The following ACOT12 variants were observed in gnomAD, a reference collection of about 807,000 sequenced individuals.
ACOT12 encodes the protein acyl-CoA thioesterase 12.
ACOT12 carries 51 observed loss-of-function variants against 67.7 expected under a neutral mutation model. The ratio of observed to expected loss-of-function variants is 0.75; its 90% CI spans 0.60 to 0.95. The LOEUF (loss-of-function observed/expected upper bound fraction) is 0.95. Ranked by LOEUF, ACOT12 falls within the 40% of genes least tolerant of loss-of-function variation. The pLI, the probability that ACOT12 is intolerant of heterozygous loss-of-function variation, is 0.00. For missense variants in ACOT12, 734 were observed against 708.1 expected, an observed-to-expected ratio of 1.04 and a Z score of -0.41; for synonymous variants, 251 against 244.6, an observed-to-expected ratio of 1.03 and a Z score of -0.24.
At position 81,345,347 on chromosome 5, in the gene ACOT12, G is replaced by A. The variant is rs115194074; in HGVS notation, c.774-306C>T. Among the ~76,000 whole-genome samples, 1,050 of 151,942 alleles carry A rather than the reference G, an allele frequency of 6.9e-3. 7 individuals are homozygous for A. Among genetic ancestry groups the A allele is most frequent in the African/African-American group, 0.024 (1,015 of 41,442 alleles). On this transcript the variant is annotated intron_variant, in intron 7 of 14. Coordinates refer to ENST00000307624, the MANE Select transcript of ACOT12 (RefSeq NM_130767.3). ...AACATATTTTGGCAATGTGGGGGAG[G>A]GCTTAAATTATGCCAAAGTTAAGTT...
At chr5:81,327,145 TTATATATATGTGATTA>T (rs1248845369), downstream of ACOT12, among the ~76,000 whole-genome samples, 1 of 147,858 alleles carries the variant, frequency 6.8e-6, no homozygotes, top group Non-Finnish European at 1.5e-5. Context: ...AACCATGTGA[TTATATATATGTGATTA>T]TATATATGTG....
the ACOT12 span, chr5:81,308,846 T>G: frequency 2.9e-6 from 4 of 1,375,670 alleles, no homozygotes; most frequent in South Asian, 6.1e-5. Context: ...AATTTTAAGT[T>G]ATGTAAATAT....
chr5:81,345,276 C>A (rs1168667444), intron 7 of ACOT12, among the ~76,000 whole-genome samples: 1 of 152,166 alleles, frequency 6.6e-6, no homozygotes, highest in Non-Finnish European at 1.5e-5. Context: ...TACTTCCCCA[C>A]TTTCAAGTGG....
chr5:81,334,279 G>A (rs1322505425), intron 12 of ACOT12, among the ~76,000 whole-genome samples: 2 of 152,130 alleles, frequency 1.3e-5, no homozygotes, highest in Non-Finnish European at 2.9e-5. Flanking sequence ...GGGTCTGATC[G>A]AGCTGATTAA....
At chr5:81,370,111 T>C (rs923923758) in intron 3 of ACOT12, among the ~76,000 whole-genome samples, 6 of 152,020 alleles carry the variant, frequency 3.9e-5, no homozygotes, top group Admixed American at 6.6e-5. Flanking sequence ...TGAAACCCCA[T>C]CTCTACTAAA....
In ACOT12 at chr5:81,361,544, C is replaced by G. The variant is rs761005396; in HGVS notation, c.361-1506G>C. 7.2e-5 allele frequency among the ~76,000 whole-genome samples: 11 copies of G among 152,232 alleles called. No homozygotes were observed. The East Asian group carries it at 9.7e-4, about 13-fold the overall frequency. On this transcript the variant is annotated intron_variant, in intron 4 of 14. Transcript: ENST00000307624. Reference sequence around the variant, plus strand: ...AGTGTTGTTTTAGTTGTGTGACTAGCAGGGTATACAAGACTGCTTGGTAAA... The same window carrying G: ...AGTGTTGTTTTAGTTGTGTGACTAGGAGGGTATACAAGACTGCTTGGTAAA...
At position 81,343,901 on chromosome 5, in the gene ACOT12, T is replaced by C. The variant is rs1759286399; in HGVS notation, c.981-20A>G. 1 of 1,606,530 alleles carries C rather than the reference T, an allele frequency of 6.2e-7. No homozygotes were observed. The highest frequency in any genetic ancestry group is 2.2e-5 in the East Asian group (1 of 44,822). ...TATTTTCTGGAAAAAAAAATTAAAG[T>C]GTTAAATGACAGTTTTTTTCTCTGC... On this transcript the variant is annotated intron_variant, in intron 9 of 14. Coordinates refer to ENST00000307624, the MANE Select transcript of ACOT12 (RefSeq NM_130767.3).
chr5:81,355,535 A>G (rs1759685342), intron 5 of ACOT12, among the ~76,000 whole-genome samples: 1 of 152,254 alleles, frequency 6.6e-6, no homozygotes, highest in African/African-American at 2.4e-5. Flanking sequence ...ACAAAGATAG[A>G]GAGCAGAAGG....
intron 5 of ACOT12, among the ~76,000 whole-genome samples, chr5:81,352,022 C>G (rs150907642): frequency 1.3e-5 from 2 of 152,150 alleles, no homozygotes; most frequent in Non-Finnish European, 2.9e-5. Context: ...CATCACTGAT[C>G]ATCAGAGAAA....
intron 6 of ACOT12, among the ~76,000 whole-genome samples, chr5:81,347,115 G>T (rs1459778036): frequency 2.0e-5 from 3 of 152,058 alleles, no homozygotes; most frequent in Non-Finnish European, 4.4e-5. Flanking sequence ...CTTTAAAAAG[G>T]TTTGTAACTA....
At chr5:81,389,306 C>T (rs1033631789) in intron 1 of ACOT12, among the ~76,000 whole-genome samples, 1 of 152,122 alleles carries the variant, frequency 6.6e-6, no homozygotes, top group African/African-American at 2.4e-5. Flanking sequence ...ACAGGCTATG[C>T]ACAGGGCCTT....
At chr5:81,332,673 G>A in intron 12 of ACOT12, 68 bp from the exon 13 acceptor site, 1 of 1,579,574 alleles carries the variant, frequency 6.3e-7, no homozygotes, top group East Asian at 2.3e-5. Flanking sequence ...TCCCTTATTT[G>A]CTTACATAAT....
At chr5:81,364,678 C>T (rs906581414) in intron 3 of ACOT12, among the ~76,000 whole-genome samples, 5 of 152,144 alleles carry the variant, frequency 3.3e-5, no homozygotes, top group Non-Finnish European at 7.4e-5. Context: ...CCACCCACTT[C>T]GGCCTCCCAA....
chr5:81,388,941 C>CT (rs1760798739), intron 1 of ACOT12, among the ~76,000 whole-genome samples: 1 of 152,220 alleles, frequency 6.6e-6, no homozygotes, highest in South Asian at 2.1e-4. Context: ...TAAGAAGTGC[C>CT]TTCCACCTTC....
intron 12 of ACOT12, among the ~76,000 whole-genome samples, chr5:81,335,127 G>A (rs1758955746): frequency 6.6e-6 from 1 of 152,204 alleles, no homozygotes; most frequent in Non-Finnish European, 1.5e-5. Context: ...GTAGAAGAGT[G>A]TAGAATTCAG....
the ACOT12 span, chr5:81,308,837 A>AT: frequency 7.2e-7 from 1 of 1,388,926 alleles, no homozygotes; most frequent in Non-Finnish European, 9.6e-7. Context: ...ATGAGATTAA[A>AT]TTTTAAGTTA....
At chr5:81,355,184 A>G (rs1369610705) in intron 5 of ACOT12, among the ~76,000 whole-genome samples, 3 of 152,232 alleles carry the variant, frequency 2.0e-5, no homozygotes, top group African/African-American at 7.2e-5. Flanking sequence ...AAACAATAAT[A>G]GAAATGACAG....
the ACOT12 span, among the ~76,000 whole-genome samples, chr5:81,324,289 G>T: frequency 6.6e-6 from 1 of 152,024 alleles, no homozygotes; most frequent in Non-Finnish European, 1.5e-5. Flanking sequence ...TTTTGGATTA[G>T]GGCTTTAGTG....
chr5:81,352,807 C>T (rs1759593200), intron 5 of ACOT12, among the ~76,000 whole-genome samples: 3 of 152,082 alleles, frequency 2.0e-5, no homozygotes, highest in Admixed American at 2.0e-4. Flanking sequence ...GTGATTATTG[C>T]ACATTTGTAT....
Sources: gnomAD v4.1 joint callset for allele counts (sites outside exome capture counted in the v4.1 genomes callset) on GRCh38, gnomAD v4.1.1 for gene constraint, MANE v1.5 for transcripts, NCBI Gene and HGNC (gene_info 2026-07-23, HGNC 2026-07-21) for gene names.